POLR1F: variants seen among roughly 807,000 people sequenced by gnomAD.
The protein encoded by POLR1F is RNA polymerase I subunit F, also known as DNA-directed RNA polymerase I subunit RPA43.
Under a neutral mutation model 21.8 loss-of-function variants are expected in POLR1F, and 23 were observed. The observed-to-expected ratio is 1.05, with a 90% CI of 0.76 to 1.49. The LOEUF (loss-of-function observed/expected upper bound fraction) is 1.49, where lower values mean the gene tolerates loss of function less well. Ranked by LOEUF, POLR1F falls within the 40% of genes most tolerant of loss-of-function variation. POLR1F has a pLI of 0.00. For missense variants in POLR1F, 435 were observed against 412.1 expected (o/e 1.06, Z -0.48); for synonymous variants, 162 against 152.8 (o/e 1.06, Z -0.45).
Position 19,698,291 on chromosome 7 carries a change from A to T in POLR1F, c.*25T>A. 6.5e-7 allele frequency: 1 copy of T among 1,527,508 alleles called. No homozygotes were observed. Among genetic ancestry groups the T allele is most frequent in the Non-Finnish European group, 8.7e-7 (1 of 1,145,482 alleles). The allele number at this position is 1,527,508 out of a possible 1,614,324, so 94.6% of individuals were successfully genotyped here. ...CTATTGTATGTAGATCGATCTTTTA[A>T]AAACTGAATCGTGTTTAAAATACAC... On this transcript the variant is annotated 3_prime_UTR_variant, in exon 4 of 4. Coordinates refer to ENST00000222567, the MANE Select transcript of POLR1F (RefSeq NM_001002926.2).
At chr7:19,700,441 C>T (rs981025948) in intron 2 of POLR1F, 161 bp from the exon 3 acceptor site, 11 of 602,468 alleles carry the variant, frequency 1.8e-5, no homozygotes, top group African/African-American at 7.4e-5. Context: ...AAACTTACCA[C>T]ATGTCATGCC....
rs1487764480 is a variant in POLR1F at position 19,696,939 on chromosome 7, C to T, written c.*1377G>A. 4 of 152,088 alleles carry T rather than the reference C, an allele frequency of 2.6e-5. No individual in the cohort carries two copies. The highest frequency in any genetic ancestry group is 5.9e-5 in the Non-Finnish European group (4 of 67,944). The allele number at this position is 152,088 out of a possible 1,614,324, so 9.4% of individuals were successfully genotyped here. On this transcript the variant is annotated 3_prime_UTR_variant, in exon 4 of 4. Transcript: ENST00000222567. Reference sequence around the variant, plus strand: ...TGTAATCAAAGAGGTTGGCCTGCATCCTTCCATTGTCTAGCACATCTACTT... The same window carrying T: ...TGTAATCAAAGAGGTTGGCCTGCATTCTTCCATTGTCTAGCACATCTACTT...
chr7:19,698,495 TC>T lies in POLR1F; in HGVS notation c.837del (p.Lys280ArgfsTer46). 1 of 1,607,786 alleles carries T rather than the reference TC, an allele frequency of 6.2e-7. No homozygotes were observed. Among genetic ancestry groups the T allele is most frequent in the Middle Eastern group, 1.7e-4 (1 of 6,012 alleles). On this transcript the variant is annotated frameshift_variant, in exon 4 of 4. Coordinates refer to ENST00000222567, the MANE Select transcript of POLR1F (RefSeq NM_001002926.2). LOFTEE classifies it high-confidence loss of function. ...TGAACTTCCTGGTGCTTTTTCTTCT[TC>T]TTCTTTTTCTTTGGCTCCTCCTCCC... ...GIWEEEPKKK[K>X]KKKKHQEVQD...
chr7:19,708,441 G>C (rs768116908), intron 1 of POLR1F, among the ~76,000 whole-genome samples: 85 of 152,300 alleles, frequency 5.6e-4, no homozygotes, highest in Non-Finnish European at 7.3e-4. Context: ...ATGCCAAACA[G>C]AACTGGGCCT....
rs1451981188 is a variant in POLR1F, at chr7:19,696,146, A to G, written c.*2170T>C. The G allele has an allele frequency of 6.6e-6, 1 of 152,058 alleles. No homozygotes were observed. Among genetic ancestry groups the G allele is most frequent in the Non-Finnish European group, 1.5e-5 (1 of 67,932 alleles). 9.4% of individuals were successfully genotyped at this position (152,058 alleles called of 1,614,324 possible). ...GACTAGGTTAGTGCAGCATGTGCCA[A>G]ATGTTTTGAAGAATACATAGTGGAC... On this transcript the variant is annotated 3_prime_UTR_variant, in exon 4 of 4. Transcript: ENST00000222567.
At chr7:19,701,563 A>G (rs1783446772) in intron 2 of POLR1F, among the ~76,000 whole-genome samples, 1 of 152,222 alleles carries the variant, frequency 6.6e-6, no homozygotes, top group Admixed American at 6.5e-5. Flanking sequence ...GGAAGGCCAA[A>G]AGGTTACATA....
At position 19,697,467 on chromosome 7, in the gene POLR1F, A is replaced by G. The variant is rs375234636; in HGVS notation, c.*849T>C. The G allele has an allele frequency of 1.1e-4, 17 of 152,280 alleles. No individual in the cohort carries two copies. The highest frequency in any genetic ancestry group is 4.1e-4 in the African/African-American group (17 of 41,576). The allele number at this position is 152,280 out of a possible 1,614,324, so 9.4% of individuals were successfully genotyped here. A position where few individuals can be genotyped will look rare whatever the true frequency, so the allele number is the denominator to read the frequency against. ...TCAAGAGACATTCCACATTTTCTCA[A>G]TGAAAGCAGTGAACAGAACAACTGT... On this transcript the variant is annotated 3_prime_UTR_variant, in exon 4 of 4. Coordinates refer to ENST00000222567, the MANE Select transcript of POLR1F (RefSeq NM_001002926.2).
intron 2 of POLR1F, among the ~76,000 whole-genome samples, chr7:19,701,417 C>A (rs909802782): frequency 6.6e-6 from 1 of 152,004 alleles, no homozygotes; most frequent in Non-Finnish European, 1.5e-5. Context: ...GGAGCACAAG[C>A]GGTTTTTAGG....
At chr7:19,701,427 G>A (rs926342975) in intron 2 of POLR1F, among the ~76,000 whole-genome samples, 2 of 152,186 alleles carry the variant, frequency 1.3e-5, no homozygotes, top group African/African-American at 4.8e-5. Flanking sequence ...CGGTTTTTAG[G>A]AGAGGATAAC....
chr7:19,704,189 CA>C (rs1418468872), intron 2 of POLR1F, among the ~76,000 whole-genome samples: 5 of 152,132 alleles, frequency 3.3e-5, no homozygotes, highest in Non-Finnish European at 7.3e-5. Context: ...CACACACATA[CA>C]AGTATACATA....
intron 1 of POLR1F, 48 bp downstream of exon 1, chr7:19,708,715 G>T: frequency 1.3e-6 from 2 of 1,574,264 alleles, no homozygotes; most frequent in Non-Finnish European, 1.7e-6. Context: ...ACATCCACCT[G>T]CTTTACTTCC....
chr7:19,707,846 C>G (rs563586231), intron 1 of POLR1F, among the ~76,000 whole-genome samples: 9 of 152,260 alleles, frequency 5.9e-5, no homozygotes, highest in African/African-American at 1.7e-4. Context: ...TTGGAAGAAT[C>G]TGCAGATTCT....
In POLR1F at chr7:19,708,950, C is replaced by T. The variant is rs770576517; in HGVS notation, c.67G>A (p.Ala23Thr). The T allele has an allele frequency of 6.2e-7, 1 of 1,612,440 alleles. No homozygotes were observed. The change falls in exon 1 of 4, where the codon GCT (alanine) becomes ACT (threonine). Residue 23 changes from alanine (A) to threonine (T), a missense_variant. Transcript: ENST00000222567. Reference protein sequence around the residue: ...AASDGSLVGQAGVLPCLELPT... With the variant: ...AASDGSLVGQTGVLPCLELPT... ...AACTCTAGGCAAGGCAGGACGCCAG[C>T]CTGCCCTACCAGAGACCCATCAGAA...
intron 1 of POLR1F, 42 bp downstream of exon 1, chr7:19,708,721 C>T: frequency 6.3e-7 from 1 of 1,578,270 alleles, no homozygotes; most frequent in Non-Finnish European, 8.7e-7. Context: ...ACCTGCTTTA[C>T]TTCCCGTGCA....
rs146100597 is a variant in POLR1F at position 19,700,235 on chromosome 7, G to A, written c.442C>T (p.His148Tyr). The change falls in exon 3 of 4, where the codon CAT (histidine) becomes TAT (tyrosine). Residue 148 changes from histidine to tyrosine, a missense_variant. Transcript: ENST00000222567. ...VSSSHIGCLV[H>Y]GCFNASIPKP... is the part of the protein sequence containing the mutation. ...GGAATGGAGGCATTGAAACACCCAT[G>A]TACTAAACAGCCAATGTGGCTAGAA... The A allele has an allele frequency of 2.9e-5, 46 of 1,613,680 alleles. No individual in the cohort carries two copies. The highest frequency in any genetic ancestry group is 3.9e-5 in the Non-Finnish European group (46 of 1,179,800).
rs1236451087 is a variant in POLR1F at position 19,696,109 on chromosome 7, A to T, written c.*2207T>A. The T allele has an allele frequency of 6.6e-6, 1 of 152,090 alleles. No homozygotes were observed. The highest frequency in any genetic ancestry group is 2.4e-5 in the African/African-American group (1 of 41,430). 9.4% of individuals were successfully genotyped at this position (152,090 alleles called of 1,614,324 possible). A position where few individuals can be genotyped will look rare whatever the true frequency, so the allele number is the denominator to read the frequency against. ...AGGGTTTGTATGAGCAAATTCCAAG[A>T]TAGAAAAGATAGACTAGGTTAGTGC... On this transcript the variant is annotated 3_prime_UTR_variant, in exon 4 of 4. Coordinates refer to ENST00000222567, the MANE Select transcript of POLR1F (RefSeq NM_001002926.2).
At chr7:19,706,777 A>G (rs1271444524) in intron 1 of POLR1F, among the ~76,000 whole-genome samples, 1 of 152,224 alleles carries the variant, frequency 6.6e-6, no homozygotes, top group Non-Finnish European at 1.5e-5. Flanking sequence ...CCAACACTAT[A>G]TACTTTTTCC....
At chr7:19,699,137 T>C (rs1461021114) in intron 3 of POLR1F, among the ~76,000 whole-genome samples, 1 of 152,166 alleles carries the variant, frequency 6.6e-6, no homozygotes, top group Non-Finnish European at 1.5e-5. Context: ...ATAGAAAATA[T>C]GATCTGGTAT....
Position 19,697,170 on chromosome 7 carries a change from A to C in POLR1F, c.*1146T>G, listed in dbSNP as rs990489619. The C allele has an allele frequency of 6.6e-6, 1 of 152,184 alleles. No individual in the cohort carries two copies. Among genetic ancestry groups the C allele is most frequent in the Non-Finnish European group, 1.5e-5 (1 of 67,982 alleles). The allele number at this position is 152,184 out of a possible 1,614,324, so 9.4% of individuals were successfully genotyped here. ...GCATTTGCAGATACTAACACAGGTA[A>C]CAGTGAGTGAACAATCCTCCCCCTT... On this transcript the variant is annotated 3_prime_UTR_variant, in exon 4 of 4. Coordinates refer to ENST00000222567, the MANE Select transcript of POLR1F (RefSeq NM_001002926.2).
Sources: allele counts gnomAD v4.1 joint callset (sites outside exome capture counted in the v4.1 genomes callset), GRCh38; gene constraint gnomAD v4.1.1; transcripts MANE v1.5; gene names NCBI Gene and HGNC (gene_info 2026-07-23, HGNC 2026-07-21).